LRFN2: variants seen among roughly 807,000 people sequenced by gnomAD.
LRFN2 encodes leucine-rich repeat and fibronectin type-III domain-containing protein 2.
In LRFN2, 18 loss-of-function variants were observed where a neutral mutation model predicts 37.3. That is an observed-to-expected ratio of 0.48 (90% CI 0.33 to 0.72). LRFN2 has a LOEUF of 0.72. Among genes scored for constraint, LRFN2 ranks in the 30% least tolerant of loss-of-function variants. The pLI is 0.02. For synonymous variants in LRFN2, 556 were observed against 466.6 expected, an observed-to-expected ratio of 1.19 and a Z score of -2.47; for missense variants, 1,006 against 1,060.7, an observed-to-expected ratio of 0.95 and a Z score of 0.72.
chr6:40,419,342 A>T (rs1763167634), intron 2 of LRFN2, among the ~76,000 whole-genome samples: 1 of 152,188 alleles, frequency 6.6e-6, no homozygotes, highest in Non-Finnish European at 1.5e-5. Context: ...TCATTTCTGC[A>T]GGTGGGCTTG....
intron 1 of LRFN2, among the ~76,000 whole-genome samples, chr6:40,467,738 T>C (rs1418593064): frequency 3.3e-5 from 5 of 152,250 alleles, no homozygotes; most frequent in African/African-American, 1.2e-4. Context: ...CCTCATTATT[T>C]CCCAATCTGA....
intron 1 of LRFN2, among the ~76,000 whole-genome samples, chr6:40,534,394 C>G (rs1214463231): frequency 1.3e-5 from 2 of 152,080 alleles, no homozygotes; most frequent in Non-Finnish European, 2.9e-5. Context: ...TCCCCAGACC[C>G]TGAGACCCCC....
chr6:40,410,800 G>A (rs1762950294), intron 2 of LRFN2, among the ~76,000 whole-genome samples: 1 of 152,240 alleles, frequency 6.6e-6, no homozygotes, highest in Admixed American at 6.5e-5. Context: ...TCTGCCAGAT[G>A]GGCAGAGGAG....
intron 2 of LRFN2, among the ~76,000 whole-genome samples, chr6:40,426,380 G>T (rs115702684): frequency 0.087 from 13,232 of 152,258 alleles, 791 homozygotes; most frequent in Non-Finnish European, 0.13. Flanking sequence ...ACTTTAATCT[G>T]CTGTTGGGCA....
At chr6:40,397,211 A>T (rs1400840894) in intron 2 of LRFN2, among the ~76,000 whole-genome samples, 1 of 152,120 alleles carries the variant, frequency 6.6e-6, no homozygotes, top group East Asian at 1.9e-4. Flanking sequence ...CCATCCACTG[A>T]TCCTCCAAGC....
chr6:40,535,125 AAG>A, intron 1 of LRFN2, among the ~76,000 whole-genome samples: 1 of 152,298 alleles, frequency 6.6e-6, no homozygotes, highest in East Asian at 1.9e-4. Flanking sequence ...TAAGGTCAAG[AAG>A]AGAGAGTTTC....
intron 1 of LRFN2, among the ~76,000 whole-genome samples, chr6:40,440,268 G>C (rs986213675): frequency 2.0e-5 from 3 of 152,188 alleles, no homozygotes; most frequent in Admixed American, 6.5e-5. Context: ...CTTCCTCTCT[G>C]TTCGCAATGA....
At chr6:40,481,940 C>T (rs1477761905) in intron 1 of LRFN2, among the ~76,000 whole-genome samples, 4 of 152,336 alleles carry the variant, frequency 2.6e-5, no homozygotes, top group South Asian at 2.1e-4. Flanking sequence ...TATGTTCACT[C>T]GTCTAATCCT....
intron 1 of LRFN2, among the ~76,000 whole-genome samples, chr6:40,540,314 G>T (rs146822683): frequency 6.6e-6 from 1 of 152,278 alleles, no homozygotes. Context: ...AGGCCAGCCC[G>T]TCCCTCCTCT....
chr6:40,417,404 T>C (rs966069647), intron 2 of LRFN2, among the ~76,000 whole-genome samples: 1 of 152,210 alleles, frequency 6.6e-6, no homozygotes, highest in South Asian at 2.1e-4. Flanking sequence ...CATTCATGTA[T>C]GACAACTGCC....
chr6:40,539,039 A>G (rs572949677), intron 1 of LRFN2, among the ~76,000 whole-genome samples: 40 of 151,838 alleles, frequency 2.6e-4, no homozygotes, highest in African/African-American at 8.7e-4. Context: ...CCTCTCTAAG[A>G]CAGAGGACAG....
intron 1 of LRFN2, among the ~76,000 whole-genome samples, chr6:40,521,364 G>C (rs899019551): frequency 6.6e-6 from 1 of 152,188 alleles, no homozygotes; most frequent in African/African-American, 2.4e-5. Context: ...GTAAGCTGAG[G>C]CTGGGGGCTG....
chr6:40,429,619 G>A (rs1763433500), intron 2 of LRFN2, among the ~76,000 whole-genome samples: 1 of 152,124 alleles, frequency 6.6e-6, no homozygotes, highest in African/African-American at 2.4e-5. Context: ...ACTGGTGAAA[G>A]GGTAAATATT....
intron 1 of LRFN2, among the ~76,000 whole-genome samples, chr6:40,542,309 G>GC (rs1766568354): frequency 6.6e-6 from 1 of 152,100 alleles, no homozygotes; most frequent in Admixed American, 6.5e-5. Context: ...AGGAAACCTG[G>GC]CCCGGAGAGG....
At chr6:40,500,702 A>C (rs1009421103) in intron 1 of LRFN2, among the ~76,000 whole-genome samples, 10 of 152,382 alleles carry the variant, frequency 6.6e-5, no homozygotes, top group Non-Finnish European at 1.0e-4. Flanking sequence ...ACTGGACTGC[A>C]ACTATTAAGA....
chr6:40,538,074 C>T (rs776383136), intron 1 of LRFN2, among the ~76,000 whole-genome samples: 4 of 152,298 alleles, frequency 2.6e-5, no homozygotes, highest in African/African-American at 4.8e-5. Context: ...CGCCTTGGAA[C>T]GCTAAGGCAG....
At chr6:40,500,030 G>A (rs536152634) in intron 1 of LRFN2, among the ~76,000 whole-genome samples, 6 of 152,322 alleles carry the variant, frequency 3.9e-5, no homozygotes, top group South Asian at 2.1e-4. Flanking sequence ...CATCCTCTCC[G>A]TGGCAGGCCT....
intron 2 of LRFN2, among the ~76,000 whole-genome samples, chr6:40,426,564 A>G (rs1763357426): frequency 6.6e-6 from 1 of 152,238 alleles, no homozygotes; most frequent in African/African-American, 2.4e-5. Flanking sequence ...ATGGAGAGCA[A>G]TGAGAGACAT....
At chr6:40,531,000 A>G (rs1766332035) in intron 1 of LRFN2, among the ~76,000 whole-genome samples, 2 of 152,200 alleles carry the variant, frequency 1.3e-5, no homozygotes, top group Non-Finnish European at 2.9e-5. Flanking sequence ...TTGTTGAAAT[A>G]CCAGATGCAT....
Sources: allele counts gnomAD v4.1 joint callset (sites outside exome capture counted in the v4.1 genomes callset), GRCh38; gene constraint gnomAD v4.1.1; transcripts MANE v1.5; gene names NCBI Gene and HGNC (gene_info 2026-07-23, HGNC 2026-07-21).